The following SLC44A5 variants were observed in gnomAD, a reference collection of about 807,000 sequenced individuals.
SLC44A5 encodes the protein choline transporter-like protein 5.
Under a neutral mutation model 101.8 loss-of-function variants are expected in SLC44A5, and 57 were observed. That is an observed-to-expected ratio of 0.56 (90% confidence interval 0.45 to 0.70). The LOEUF (loss-of-function observed/expected upper bound fraction) is 0.70. Among genes scored for constraint, SLC44A5 ranks in the 30% least tolerant of loss-of-function variants. The probability of loss-of-function intolerance (pLI) is 0.00; values close to 1 mark genes in which losing one functional copy is unlikely to be tolerated. For missense variants in SLC44A5, 737 were observed against 853.1 expected, an observed-to-expected ratio of 0.86 and a Z score of 1.70; for synonymous variants, 281 against 290.9, an observed-to-expected ratio of 0.97 and a Z score of 0.35.
At chr1:75,389,973 C>T (rs189791141) in intron 3 of SLC44A5, among the ~76,000 whole-genome samples, 18 of 152,046 alleles carry the variant, frequency 1.2e-4, no homozygotes, top group Non-Finnish European at 2.2e-4. Context: ...ACAATGCCAA[C>T]GACAATGGTG....
chr1:75,719,829 AAGG>A, the SLC44A5 span, among the ~76,000 whole-genome samples: 2 of 152,302 alleles, frequency 1.3e-5, no homozygotes, highest in African/African-American at 4.8e-5. Context: ...TTGAAATCCC[AAGG>A]AGTATGTTGG....
chr1:75,390,297 A>C (rs1218692634), intron 3 of SLC44A5, among the ~76,000 whole-genome samples: 1 of 152,114 alleles, frequency 6.6e-6, no homozygotes, highest in East Asian at 1.9e-4. Context: ...ACTCCTCCCT[A>C]ATTCATTCTA....
intron 1 of SLC44A5, among the ~76,000 whole-genome samples, chr1:75,553,819 G>A (rs963559799): frequency 6.6e-6 from 1 of 152,112 alleles, no homozygotes; most frequent in Non-Finnish European, 1.5e-5. Context: ...ATGGAATACT[G>A]AGCAAAATCT....
At chr1:75,697,070 C>T in the SLC44A5 span, among the ~76,000 whole-genome samples, 2 of 152,154 alleles carry the variant, frequency 1.3e-5, no homozygotes, top group South Asian at 4.2e-4. Context: ...AAATATGAGC[C>T]TTATTGAATA....
intron 2 of SLC44A5, among the ~76,000 whole-genome samples, chr1:75,457,668 G>A (rs1666262740): frequency 6.6e-6 from 1 of 152,112 alleles, no homozygotes; most frequent in South Asian, 2.1e-4. Flanking sequence ...GAACAGCCTG[G>A]CCAACATGAT....
intron 9 of SLC44A5, 39 bp downstream of exon 9, chr1:75,241,962 T>C (rs780250703): frequency 1.3e-6 from 2 of 1,546,932 alleles, no homozygotes; most frequent in Non-Finnish European, 1.8e-6. Flanking sequence ...AGCATTTTGG[T>C]AGATCCTATG....
chr1:75,541,423 G>A lies in SLC44A5; in HGVS notation c.13+12C>T. On this transcript the variant is annotated intron_variant, in intron 2 of 23. Transcript: ENST00000370859. Reference sequence around the variant, plus strand: ...CCAGATCAAGAGGAACTTAATTCAAGTAGGTGATTACCTGTGTCATTCATT... The same window carrying A: ...CCAGATCAAGAGGAACTTAATTCAAATAGGTGATTACCTGTGTCATTCATT... 1.9e-6 allele frequency: 3 copies of A among 1,594,438 alleles called. No individual in the cohort carries two copies. The highest frequency in any genetic ancestry group is 1.7e-6 in the Non-Finnish European group (2 of 1,163,170).
At chr1:75,305,065 A>AAAAG (rs1654798421) in intron 4 of SLC44A5, among the ~76,000 whole-genome samples, 1 of 152,240 alleles carries the variant, frequency 6.6e-6, no homozygotes, top group African/African-American at 2.4e-5. Context: ...TTTCCAAATT[A>AAAAG]AAAGAATAAG....
chr1:75,473,956 A>G (rs1266375773), intron 2 of SLC44A5, among the ~76,000 whole-genome samples: 3 of 152,206 alleles, frequency 2.0e-5, no homozygotes, highest in Non-Finnish European at 4.4e-5. Flanking sequence ...GAGATATTTT[A>G]GTCCTGATTC....
chr1:75,586,536 T>C (rs1251061068), intron 1 of SLC44A5, among the ~76,000 whole-genome samples: 1 of 81,940 alleles, frequency 1.2e-5, no homozygotes, highest in Non-Finnish European at 3.3e-5. Flanking sequence ...ATGTCTGGAG[T>C]TTGATTTTTT....
intron 3 of SLC44A5, among the ~76,000 whole-genome samples, chr1:75,387,039 C>T (rs563996739): frequency 7.2e-5 from 11 of 152,056 alleles, no homozygotes; most frequent in Non-Finnish European, 1.3e-4. Context: ...CCCTTCCTTA[C>T]ACCTTATACA....
chr1:75,269,781 T>C (rs1651312203), intron 6 of SLC44A5, among the ~76,000 whole-genome samples: 1 of 152,200 alleles, frequency 6.6e-6, no homozygotes, highest in African/African-American at 2.4e-5. Flanking sequence ...ACTATCATGA[T>C]ATATTTACTC....
At chr1:75,657,638 A>C in the SLC44A5 span, among the ~76,000 whole-genome samples, 11,677 of 152,152 alleles carry the variant, frequency 0.077, 1,512 homozygotes, top group African/African-American at 0.27. Flanking sequence ...TACATCAGAT[A>C]AAATAGATTT....
At chr1:75,616,289 T>C in the SLC44A5 span, among the ~76,000 whole-genome samples, 1 of 145,160 alleles carries the variant, frequency 6.9e-6, no homozygotes, top group Non-Finnish European at 1.5e-5. Flanking sequence ...CCAGCCCCCA[T>C]CCAACCGGCT....
intron 6 of SLC44A5, among the ~76,000 whole-genome samples, 182 bp downstream of exon 6, chr1:75,274,776 T>G (rs564433274): frequency 6.6e-6 from 1 of 152,338 alleles, no homozygotes; most frequent in East Asian, 1.9e-4. Flanking sequence ...TGACATCATG[T>G]CTTAAGACAT....
chr1:75,643,383 G>A, the SLC44A5 span, among the ~76,000 whole-genome samples: 64 of 152,196 alleles, frequency 4.2e-4, no homozygotes, highest in African/African-American at 1.5e-3. Flanking sequence ...TATTTTCTAA[G>A]TAGAACTAAA....
At chr1:75,206,002 T>C (rs11162764) in intron 23 of SLC44A5, 35,366 of 151,964 alleles carry the variant, frequency 0.23, 4,446 homozygotes, top group Middle Eastern at 0.35. Flanking sequence ...GAAGGTTCCA[T>C]AGTATTTTTT....
intron 2 of SLC44A5, among the ~76,000 whole-genome samples, chr1:75,531,156 T>C (rs1261874028): frequency 6.6e-6 from 1 of 152,220 alleles, no homozygotes; most frequent in Non-Finnish European, 1.5e-5. Flanking sequence ...AGCTTTTCTC[T>C]TGGAGATTCA....
intron 4 of SLC44A5, among the ~76,000 whole-genome samples, chr1:75,331,752 C>T (rs1010365001): frequency 3.3e-5 from 5 of 152,154 alleles, no homozygotes; most frequent in Non-Finnish European, 7.4e-5. Context: ...TGCACTCACA[C>T]GGGCCTCTCT....
Sources: allele counts gnomAD v4.1 joint callset (sites outside exome capture counted in the v4.1 genomes callset), GRCh38; gene constraint gnomAD v4.1.1; transcripts MANE v1.5; gene names NCBI Gene and HGNC (gene_info 2026-07-23, HGNC 2026-07-21).